DACH2: variants seen among roughly 807,000 people sequenced by gnomAD.
The protein encoded by DACH2 is dachshund family transcription factor 2.
A neutral mutation model predicts 35.8 loss-of-function variants in DACH2; 17 were observed. That is an observed-to-expected ratio of 0.48 (90% CI 0.33 to 0.71). The LOEUF is 0.71. Ranked by LOEUF, DACH2 falls within the 30% of genes least tolerant of loss-of-function variation. The pLI, the probability that DACH2 is intolerant of heterozygous loss-of-function variation, is 0.02. For synonymous variants in DACH2, 195 were observed against 177.3 expected (o/e 1.10, Z -0.79); for missense variants, 469 against 472.7 (o/e 0.99, Z 0.07).
chrX:86,331,465 A>T (rs1207857439), intron 1 of DACH2, among the ~76,000 whole-genome samples: 1 of 110,004 alleles, frequency 9.1e-6, no homozygotes, highest in Non-Finnish European at 1.9e-5. Flanking sequence ...TGGAAGATAA[A>T]ACAAACAAAC....
intron 1 of DACH2, among the ~76,000 whole-genome samples, chrX:86,232,353 G>T (rs2032967007): frequency 8.9e-6 from 1 of 111,786 alleles, no homozygotes; most frequent in African/African-American, 3.3e-5. Flanking sequence ...ATTGACAAAT[G>T]GAATTTAATT....
intron 1 of DACH2, among the ~76,000 whole-genome samples, chrX:86,217,934 C>T (rs187633634): frequency 8.1e-5 from 9 of 111,382 alleles, no homozygotes; most frequent in East Asian, 5.7e-4. Flanking sequence ...TGGGGTCTGA[C>T]GCTTATAAAA....
intron 5 of DACH2, among the ~76,000 whole-genome samples, chrX:86,697,913 T>C (rs2041085864): frequency 9.0e-6 from 1 of 111,330 alleles, no homozygotes; most frequent in Admixed American, 9.6e-5. Context: ...AGAAGACATA[T>C]TTGAAATAAC....
At chrX:86,751,920 T>G (rs1362564071) in intron 7 of DACH2, among the ~76,000 whole-genome samples, 12 of 111,706 alleles carry the variant, frequency 1.1e-4, no homozygotes, top group African/African-American at 3.9e-4. Context: ...AAGAACAATA[T>G]CATGTCCTTT....
At chrX:86,774,249 A>G (rs1458729903) in intron 7 of DACH2, among the ~76,000 whole-genome samples, 4 of 112,130 alleles carry the variant, frequency 3.6e-5, no homozygotes, top group African/African-American at 6.5e-5. Context: ...AAGTATCTTC[A>G]TCATATTTGG....
intron 1 of DACH2, among the ~76,000 whole-genome samples, chrX:86,225,487 A>G (rs1271453222): frequency 9.0e-6 from 1 of 111,264 alleles, no homozygotes; most frequent in Non-Finnish European, 1.9e-5. Context: ...GTGTCTCAAA[A>G]TGTGACACAA....
intron 2 of DACH2, among the ~76,000 whole-genome samples, chrX:86,459,414 A>G (rs924755914): frequency 9.0e-6 from 1 of 111,379 alleles, no homozygotes; most frequent in African/African-American, 3.3e-5. Context: ...AGTTATTTAA[A>G]CACAACCTTT....
chrX:86,554,011 G>T (rs1406737541), intron 3 of DACH2, among the ~76,000 whole-genome samples: 1 of 111,105 alleles, frequency 9.0e-6, no homozygotes, highest in Non-Finnish European at 1.9e-5. Flanking sequence ...TCTTGTGTGT[G>T]TGTGCGTGTT....
chrX:86,505,809 A>G (rs761099503), intron 2 of DACH2, among the ~76,000 whole-genome samples: 69 of 112,333 alleles, frequency 6.1e-4, no homozygotes, highest in Non-Finnish European at 1.2e-3. Flanking sequence ...AAATTAAAAC[A>G]GACAGATTAG....
intron 2 of DACH2, among the ~76,000 whole-genome samples, chrX:86,509,908 T>G (rs1306639593): frequency 2.7e-5 from 3 of 111,893 alleles, no homozygotes; most frequent in African/African-American, 9.7e-5. Flanking sequence ...CCCAAGTCAT[T>G]GGTAATGGCT....
At chrX:86,636,136 A>G (rs1184108016) in intron 3 of DACH2, among the ~76,000 whole-genome samples, 2 of 111,279 alleles carry the variant, frequency 1.8e-5, no homozygotes, top group African/African-American at 3.3e-5. Flanking sequence ...ACTGTATTAC[A>G]GGGCTACATT....
intron 1 of DACH2, among the ~76,000 whole-genome samples, chrX:86,225,231 A>G (rs1033219595): frequency 3.6e-5 from 4 of 111,409 alleles, no homozygotes; most frequent in African/African-American, 1.3e-4. Context: ...ATCATTTCAG[A>G]TTCATGTTCC....
At chrX:86,369,878 T>C (rs751338756) in intron 1 of DACH2, among the ~76,000 whole-genome samples, 109 of 111,619 alleles carry the variant, frequency 9.8e-4, no homozygotes, top group African/African-American at 3.1e-3. Flanking sequence ...ACAAATCATG[T>C]ATCATAATTA....
intron 1 of DACH2, among the ~76,000 whole-genome samples, chrX:86,244,575 C>T (rs1257747343): frequency 9.0e-6 from 1 of 111,709 alleles, no homozygotes; most frequent in East Asian, 2.8e-4. Context: ...AATTGTACCA[C>T]TGCATTCCAG....
chrX:86,529,989 A>G (rs1032358989), intron 3 of DACH2, among the ~76,000 whole-genome samples: 1 of 108,696 alleles, frequency 9.2e-6, no homozygotes, highest in Non-Finnish European at 1.9e-5. Context: ...ACACACACAC[A>G]CACACACACA....
At chrX:86,469,960 C>T (rs1293901455) in intron 2 of DACH2, among the ~76,000 whole-genome samples, 6 of 110,028 alleles carry the variant, frequency 5.5e-5, no homozygotes, top group Non-Finnish European at 9.5e-5. Context: ...ATCCAACCAT[C>T]GGAATGAAAA....
In DACH2 at chrX:86,189,304, A is replaced by T. The variant is rs1252952687; in HGVS notation, c.488+40196A>T. 9.8e-5 allele frequency among the ~76,000 whole-genome samples: 11 copies of T among 111,883 alleles called. No individual in the cohort carries two copies. In the Admixed American group the frequency reaches 1.0e-3, roughly 11 times the overall value. On this transcript the variant is annotated intron_variant, in intron 1 of 11. Coordinates refer to ENST00000373125, the MANE Select transcript of DACH2 (RefSeq NM_053281.3). ...TTGAGTGCAGTAGGCCATCCACATT[A>T]CTGTTTGTATCACTGGAATTCAAAT...
At chrX:86,793,030 ATC>A (rs2042201814) in intron 7 of DACH2, among the ~76,000 whole-genome samples, 1 of 110,742 alleles carries the variant, frequency 9.0e-6, no homozygotes, top group African/African-American at 3.3e-5. Context: ...CTTCTCCAGC[ATC>A]TGTTATTTTT....
chrX:86,618,973 T>C (rs906729592), intron 3 of DACH2, among the ~76,000 whole-genome samples: 15 of 112,195 alleles, frequency 1.3e-4, no homozygotes, highest in African/African-American at 3.9e-4. Flanking sequence ...GTCTTGCTTT[T>C]TAAACACAAA....
Sources: gnomAD v4.1 joint callset for allele counts (sites outside exome capture counted in the v4.1 genomes callset) on GRCh38, gnomAD v4.1.1 for gene constraint, MANE v1.5 for transcripts, NCBI Gene and HGNC (gene_info 2026-07-23, HGNC 2026-07-21) for gene names.